Variants in MRTFA observed in about 807,000 individuals in gnomAD.
MRTFA encodes the protein myocardin related transcription factor A.
Under a neutral mutation model 83.5 loss-of-function variants are expected in MRTFA, and 20 were observed. The ratio of observed to expected loss-of-function variants is 0.24; its 90% CI spans 0.17 to 0.35. The LOEUF is 0.35. MRTFA is among the 10% of genes least tolerant of loss of function. The probability of loss-of-function intolerance (pLI) is 1.00; values close to 1 mark genes in which losing one functional copy is unlikely to be tolerated. For synonymous variants in MRTFA, 659 were observed against 541.2 expected (o/e 1.22, Z -3.02); for missense variants, 1,200 against 1,224.7 (o/e 0.98, Z 0.30).
chr22:40,556,801 T>C (rs534274227), intron 2 of MRTFA, among the ~76,000 whole-genome samples: 164 of 152,226 alleles, frequency 1.1e-3, no homozygotes, highest in Non-Finnish European at 2.0e-3. Context: ...TTCTTTGTCA[T>C]TGACTCTGAA....
chr22:40,433,087 C>T (rs1569262086), intron 5 of MRTFA: 1 of 152,530 alleles, frequency 6.6e-6, no homozygotes, highest in Non-Finnish European at 1.5e-5. Flanking sequence ...TCCCACATAC[C>T]TACACATCTC....
intron 4 of MRTFA, among the ~76,000 whole-genome samples, chr22:40,446,305 G>C (rs189708382): frequency 6.6e-6 from 1 of 152,268 alleles, no homozygotes; most frequent in East Asian, 1.9e-4. Context: ...AAAATAGCAA[G>C]GACTGCATTT....
At chr22:40,460,113 C>T (rs1008740613) in intron 4 of MRTFA, among the ~76,000 whole-genome samples, 2 of 151,720 alleles carry the variant, frequency 1.3e-5, no homozygotes, top group African/African-American at 2.4e-5. Context: ...TTAGTAGAGA[C>T]GGGGTTTCAC....
chr22:40,558,089 TC>T (rs201346208), intron 2 of MRTFA, among the ~76,000 whole-genome samples: 26 of 150,622 alleles, frequency 1.7e-4, no homozygotes, highest in East Asian at 2.0e-4. Context: ...TTTCTTTCTT[TC>T]TTTTTTTTTT....
chr22:40,633,590 T>A (rs1350768158), intron 1 of MRTFA, among the ~76,000 whole-genome samples: 1 of 152,176 alleles, frequency 6.6e-6, no homozygotes, highest in Non-Finnish European at 1.5e-5. Context: ...TCTGTATATA[T>A]CAATGTACTC....
At chr22:40,632,245 A>G (rs898277495) in intron 1 of MRTFA, among the ~76,000 whole-genome samples, 4 of 152,188 alleles carry the variant, frequency 2.6e-5, no homozygotes, top group Admixed American at 2.6e-4. Context: ...CACCAGCCTC[A>G]GTCAAGCCTT....
chr22:40,518,280 A>C (rs2147253457), intron 3 of MRTFA, among the ~76,000 whole-genome samples: 1 of 152,306 alleles, frequency 6.6e-6, no homozygotes, highest in African/African-American at 2.4e-5. Flanking sequence ...ATCGATCGGC[A>C]TCTGAAGTTC....
chr22:40,576,104 C>T (rs1243310039), intron 2 of MRTFA, among the ~76,000 whole-genome samples: 1 of 150,558 alleles, frequency 6.6e-6, no homozygotes, highest in Non-Finnish European at 1.5e-5. Flanking sequence ...TCTCGGCTCA[C>T]TGCAACCTCC....
intron 2 of MRTFA, among the ~76,000 whole-genome samples, chr22:40,588,163 G>C (rs2147371838): frequency 6.6e-6 from 1 of 152,030 alleles, no homozygotes; most frequent in East Asian, 1.9e-4. Flanking sequence ...TGAGTAGCTA[G>C]GATTACAGGC....
At chr22:40,541,829 G>A (rs1602408017) in intron 3 of MRTFA, among the ~76,000 whole-genome samples, 1 of 152,138 alleles carries the variant, frequency 6.6e-6, no homozygotes, top group East Asian at 1.9e-4. Context: ...ACCACGCCCA[G>A]CTAAATTTTT....
chr22:40,541,703 G>A (rs2055293453), intron 3 of MRTFA, among the ~76,000 whole-genome samples: 2 of 152,164 alleles, frequency 1.3e-5, no homozygotes, highest in Admixed American at 1.3e-4. Context: ...GTCTTGCTCT[G>A]TTGCCCAGGC....
chr22:40,484,083 G>T (rs1273509429), intron 3 of MRTFA, among the ~76,000 whole-genome samples: 1 of 151,152 alleles, frequency 6.6e-6, no homozygotes, highest in Non-Finnish European at 1.5e-5. Context: ...ATATGGGTTG[G>T]GTTATAGATA....
intron 2 of MRTFA, among the ~76,000 whole-genome samples, chr22:40,580,041 A>G (rs1438880028): frequency 2.0e-5 from 3 of 152,216 alleles, no homozygotes; most frequent in Non-Finnish European, 4.4e-5. Flanking sequence ...GTGATTTTAT[A>G]ATAAAAACAC....
At chr22:40,424,655 G>C (rs768811621) in intron 7 of MRTFA, among the ~76,000 whole-genome samples, 1 of 152,208 alleles carries the variant, frequency 6.6e-6, no homozygotes, top group African/African-American at 2.4e-5. Flanking sequence ...CCTCTTGCTT[G>C]TAACTCTATA....
intron 1 of MRTFA, among the ~76,000 whole-genome samples, chr22:40,606,308 T>C (rs549265559): frequency 2.0e-5 from 3 of 152,318 alleles, no homozygotes; most frequent in South Asian, 4.1e-4. Flanking sequence ...TAAAGAAACT[T>C]AATAAAGTTA....
rs900699102 is a variant in MRTFA, at chr22:40,549,650, C to T, written c.241+2456G>A. On this transcript the variant is annotated intron_variant, in intron 3 of 14. Transcript: ENST00000355630. ...CAGTAGTTACTAACAGGTGTACTCA[C>T]TTTGTGATAATAACAACACTTATAA... is the stretch of plus-strand genomic sequence containing the variant. Among the ~76,000 whole-genome samples, 5 of 152,312 alleles carry T rather than the reference C, an allele frequency of 3.3e-5. No homozygotes were observed. In the East Asian group the frequency reaches 9.6e-4, roughly 29 times the overall value.
At chr22:40,437,915 C>T (rs1367384789) in intron 4 of MRTFA, among the ~76,000 whole-genome samples, 1 of 152,084 alleles carries the variant, frequency 6.6e-6, no homozygotes, top group Non-Finnish European at 1.5e-5. Context: ...CCTAGAATAC[C>T]AGGCACACAG....
intron 3 of MRTFA, among the ~76,000 whole-genome samples, chr22:40,506,185 G>C (rs1392039708): frequency 6.6e-6 from 1 of 152,150 alleles, no homozygotes; most frequent in Non-Finnish European, 1.5e-5. Flanking sequence ...AGTGAGCCGA[G>C]ATTGTGCCAC....
At chr22:40,628,265 G>A (rs1044163378) in intron 1 of MRTFA, among the ~76,000 whole-genome samples, 1 of 152,114 alleles carries the variant, frequency 6.6e-6, no homozygotes, top group Non-Finnish European at 1.5e-5. Flanking sequence ...TCACATACCT[G>A]GTAACTGTCA....
Sources: gnomAD v4.1 joint callset for allele counts (sites outside exome capture counted in the v4.1 genomes callset) on GRCh38, gnomAD v4.1.1 for gene constraint, MANE v1.5 for transcripts, NCBI Gene and HGNC (gene_info 2026-07-23, HGNC 2026-07-21) for gene names.